The following NCOA7 variants were observed in gnomAD, a reference collection of about 807,000 sequenced individuals.
NCOA7 encodes the protein nuclear receptor coactivator 7, also known as 140 kDa estrogen receptor-associated protein.
In NCOA7, 45 loss-of-function variants were observed where a neutral mutation model predicts 104.3. That is an observed-to-expected ratio of 0.43 (90% CI 0.34 to 0.55). The LOEUF (loss-of-function observed/expected upper bound fraction) is 0.55. Among genes scored for constraint, NCOA7 ranks in the 20% least tolerant of loss-of-function variants. The probability of loss-of-function intolerance (pLI) is 0.02; values close to 1 mark genes in which losing one functional copy is unlikely to be tolerated. For missense variants in NCOA7, 1,041 were observed against 1,119.7 expected, an observed-to-expected ratio of 0.93 and a Z score of 1.00; for synonymous variants, 398 against 402.3, an observed-to-expected ratio of 0.99 and a Z score of 0.13.
intron 15 of NCOA7, 108 bp from the exon 16 acceptor site, chr6:125,928,528 A>G (rs919138689): frequency 1.6e-6 from 2 of 1,254,666 alleles, no homozygotes; most frequent in African/African-American, 1.5e-5. Flanking sequence ...GCAGTTTAGA[A>G]TTTTGCCTGT....
intron 7 of NCOA7, among the ~76,000 whole-genome samples, chr6:125,883,471 T>G (rs928398972): frequency 6.6e-6 from 1 of 152,162 alleles, no homozygotes; most frequent in Non-Finnish European, 1.5e-5. Context: ...TTTTAAAACA[T>G]TTTTATTACC....
chr6:125,795,500 A>G (rs1775235707), intron 1 of NCOA7, among the ~76,000 whole-genome samples: 1 of 152,148 alleles, frequency 6.6e-6, no homozygotes. Flanking sequence ...TTTTATGCAT[A>G]TGCAAGCAAA....
chr6:125,799,776 A>G (rs983227339), intron 1 of NCOA7, among the ~76,000 whole-genome samples: 2 of 152,056 alleles, frequency 1.3e-5, no homozygotes, highest in Non-Finnish European at 2.9e-5. Context: ...GTTGTGTTTT[A>G]TATTACTCAA....
intron 13 of NCOA7, 133 bp from the exon 14 acceptor site, chr6:125,927,530 G>A: frequency 1.5e-6 from 1 of 680,360 alleles, no homozygotes; most frequent in South Asian, 1.8e-5. Flanking sequence ...GTCTTTTTAA[G>A]TTTGAGTGCC....
At chr6:125,849,013 C>T (rs1046302302) in intron 2 of NCOA7, among the ~76,000 whole-genome samples, 1 of 152,138 alleles carries the variant, frequency 6.6e-6, no homozygotes, top group Admixed American at 6.6e-5. Context: ...TATCTCAGAA[C>T]ATGGGCTCAT....
At chr6:125,875,589 T>C (rs1321692896) in intron 4 of NCOA7, 3 of 152,220 alleles carry the variant, frequency 2.0e-5, no homozygotes, top group Admixed American at 2.0e-4. Flanking sequence ...ATTCTTGACA[T>C]CTTCATCCCC....
intron 1 of NCOA7, among the ~76,000 whole-genome samples, chr6:125,782,649 A>G (rs116805222): frequency 0.025 from 3,852 of 152,298 alleles, 162 homozygotes; most frequent in African/African-American, 0.087. Context: ...ATAGTTTCAG[A>G]AAGTTCGTCA....
upstream of NCOA7, among the ~76,000 whole-genome samples, chr6:125,789,723 G>A (rs1005678740): frequency 2.6e-5 from 4 of 152,328 alleles, no homozygotes; most frequent in East Asian, 3.9e-4. Flanking sequence ...ACCACCTGCT[G>A]CTGAAATGCC....
chr6:125,832,807 A>T (rs559581988), intron 2 of NCOA7, among the ~76,000 whole-genome samples: 1 of 152,228 alleles, frequency 6.6e-6, no homozygotes. Context: ...CTTTGGCAGG[A>T]CACAGGAGGA....
At chr6:125,822,596 T>C (rs1350163376) in intron 2 of NCOA7, among the ~76,000 whole-genome samples, 1 of 152,162 alleles carries the variant, frequency 6.6e-6, no homozygotes, top group East Asian at 1.9e-4. Flanking sequence ...TCAGTTTACA[T>C]TGCACTAAGT....
chr6:125,833,347 G>A (rs1368548689), intron 2 of NCOA7, among the ~76,000 whole-genome samples: 1 of 152,146 alleles, frequency 6.6e-6, no homozygotes, highest in Admixed American at 6.5e-5. Context: ...AGGACTATGG[G>A]AGGCTGAGGT....
chr6:125,874,786 T>C (rs2128639807), intron 3 of NCOA7, 103 bp from the exon 4 acceptor site: 1 of 796,702 alleles, frequency 1.3e-6, no homozygotes, highest in Non-Finnish European at 2.1e-6. Flanking sequence ...ATTAGTGTCT[T>C]TTTGTCAGTT....
At chr6:125,861,594 T>C (rs781222183) in intron 3 of NCOA7, among the ~76,000 whole-genome samples, 10 of 152,200 alleles carry the variant, frequency 6.6e-5, no homozygotes, top group Middle Eastern at 3.4e-3. Context: ...ATAAAATAAA[T>C]GGAAATTATT....
chr6:125,866,163 C>T lies in NCOA7; in HGVS notation c.272-8726C>T, dbSNP rs1019881307. 2.9e-4 allele frequency among the ~76,000 whole-genome samples: 40 copies of T among 138,014 alleles called. 6 individuals carry two copies. Among genetic ancestry groups the T allele is most frequent in the African/African-American group, 1.2e-3 (40 of 33,284 alleles). The allele number at this position is 138,014 out of a possible 152,430, so 90.5% of individuals were successfully genotyped here. A position where few individuals can be genotyped will look rare whatever the true frequency, so the allele number is the denominator to read the frequency against. ...TGACCAACATGGAGAAACCCCGTCT[C>T]TACTAAGAATACAAAATTAGCTGGG... On this transcript the variant is annotated intron_variant, in intron 3 of 15. Transcript: ENST00000392477.
chr6:125,922,911 T>C (rs1787713256), intron 13 of NCOA7, 77 bp downstream of exon 13: 1 of 1,297,646 alleles, frequency 7.7e-7, no homozygotes, highest in Non-Finnish European at 1.0e-6. Flanking sequence ...ACTAGTACCA[T>C]ATACTTCCAT....
chr6:125,807,671 T>A (rs763806676), intron 1 of NCOA7, among the ~76,000 whole-genome samples: 2 of 152,204 alleles, frequency 1.3e-5, no homozygotes, highest in Non-Finnish European at 2.9e-5. Flanking sequence ...CTATCCAGGA[T>A]GTTATTAAGT....
At chr6:125,887,099 A>G (rs1474284416) in intron 8 of NCOA7, among the ~76,000 whole-genome samples, 1 of 152,256 alleles carries the variant, frequency 6.6e-6, no homozygotes, top group Admixed American at 6.5e-5. Context: ...ATTAATCTCA[A>G]GTGGGGAATG....
intron 11 of NCOA7, among the ~76,000 whole-genome samples, chr6:125,920,398 T>A (rs1285712354): frequency 6.6e-6 from 1 of 152,226 alleles, no homozygotes; most frequent in Non-Finnish European, 1.5e-5. Flanking sequence ...ACTTACCTAC[T>A]GAATGATCTC....
upstream of NCOA7, chr6:125,790,631 C>G (rs1774738769): frequency 6.7e-6 from 1 of 150,052 alleles, no homozygotes; most frequent in Admixed American, 6.6e-5. Flanking sequence ...GCGCGAGCTC[C>G]CAGGCCCCCG....
Sources: gnomAD v4.1 joint callset for allele counts (sites outside exome capture counted in the v4.1 genomes callset) on GRCh38, gnomAD v4.1.1 for gene constraint, MANE v1.5 for transcripts, NCBI Gene and HGNC (gene_info 2026-07-23, HGNC 2026-07-21) for gene names.